The following TDRD5 variants were observed in gnomAD, a reference collection of about 807,000 sequenced individuals.
TDRD5 encodes tudor domain containing 5.
In TDRD5, 41 loss-of-function variants were observed where a neutral mutation model predicts 120.6. The observed-to-expected ratio is 0.34, with a 90% CI of 0.26 to 0.44. The LOEUF is 0.44. Ranked by LOEUF, TDRD5 falls within the 20% of genes least tolerant of loss-of-function variation. TDRD5 has a pLI of 1.00. For synonymous variants in TDRD5, 430 were observed against 433.7 expected (o/e 0.99, Z 0.11); for missense variants, 1,006 against 1,221.2 (o/e 0.82, Z 2.63).
chr1:179,599,648 T>G (rs1237627533), intron 4 of TDRD5, among the ~76,000 whole-genome samples: 2 of 152,118 alleles, frequency 1.3e-5, no homozygotes, highest in African/African-American at 4.8e-5. Context: ...CCCAGTAACA[T>G]TTTAAGGTCT....
chr1:179,659,831 G>T (rs1374386682), intron 14 of TDRD5, among the ~76,000 whole-genome samples: 1 of 151,866 alleles, frequency 6.6e-6, no homozygotes, highest in East Asian at 1.9e-4. Flanking sequence ...CTGAGTAGCT[G>T]GGATTACAGG....
intron 17 of TDRD5, among the ~76,000 whole-genome samples, chr1:179,684,715 T>C (rs1322324191): frequency 6.6e-6 from 1 of 152,128 alleles, no homozygotes; most frequent in Non-Finnish European, 1.5e-5. Context: ...AGCTGCTGTT[T>C]CCTGACTTTT....
chr1:179,658,927 A>G (rs58593782), intron 14 of TDRD5, among the ~76,000 whole-genome samples: 51,272 of 152,040 alleles, frequency 0.34, 8,886 homozygotes, highest in Admixed American at 0.42. Context: ...CTTTAGCTGC[A>G]TTTCACAAAT....
intron 4 of TDRD5, among the ~76,000 whole-genome samples, chr1:179,598,762 C>A (rs892732426): frequency 6.6e-6 from 1 of 151,142 alleles, no homozygotes; most frequent in Admixed American, 6.6e-5. Flanking sequence ...TCAAATCATT[C>A]TAGCAGCTAT....
intron 14 of TDRD5, among the ~76,000 whole-genome samples, chr1:179,658,616 T>C (rs1679126986): frequency 6.6e-6 from 1 of 152,174 alleles, no homozygotes; most frequent in South Asian, 2.1e-4. Flanking sequence ...ATCTGCAGGG[T>C]CTGCAATGAT....
chr1:179,608,189 C>T (rs2101937180), intron 4 of TDRD5, among the ~76,000 whole-genome samples: 1 of 151,896 alleles, frequency 6.6e-6, no homozygotes, highest in African/African-American at 2.4e-5. Flanking sequence ...TGTGTTTTTT[C>T]CCTCTGATGC....
chr1:179,625,290 G>T (rs1345164947), intron 6 of TDRD5, among the ~76,000 whole-genome samples: 1 of 152,090 alleles, frequency 6.6e-6, no homozygotes, highest in Non-Finnish European at 1.5e-5. Context: ...TTAGGACACA[G>T]AAGCAGTAAT....
At position 179,618,606 on chromosome 1, in the gene TDRD5, A is replaced by G. The variant is rs1676683164; in HGVS notation, c.839A>G (p.Asn280Ser). The G allele has an allele frequency of 1.9e-6, 3 of 1,588,014 alleles. No individual in the cohort carries two copies. Among genetic ancestry groups the G allele is most frequent in the Non-Finnish European group, 2.6e-6 (3 of 1,169,906 alleles). ...NHTEKLNQLE[N>S]TFKSVIAQIG... Reference sequence around the variant, plus strand: ...TTTTTTCTTTTTTCATAGCTGGAGAACACATTCAAATCAGTTATTGCACAG... The same window carrying G: ...TTTTTTCTTTTTTCATAGCTGGAGAGCACATTCAAATCAGTTATTGCACAG... Residue 280 changes from asparagine to serine, a missense_variant, in exon 5 of 18, where the codon AAC becomes AGC. Around this residue, in one of 3 missense-constraint regions of TDRD5, gnomAD observed 445 missense variants for 515.5 expected, o/e 0.86. Transcript: ENST00000444136.
chr1:179,660,720 A>G (rs1679267712), intron 14 of TDRD5, among the ~76,000 whole-genome samples: 1 of 152,138 alleles, frequency 6.6e-6, no homozygotes, highest in Non-Finnish European at 1.5e-5. Context: ...TCCATCTTCA[A>G]GAATATTCTT....
At chr1:179,630,625 T>C (rs892513675) in intron 6 of TDRD5, 142 bp from the exon 7 acceptor site, 14 of 739,398 alleles carry the variant, frequency 1.9e-5, no homozygotes, top group African/African-American at 1.6e-4. Flanking sequence ...TGTTTTATGC[T>C]GGTATGGAAG....
At chr1:179,592,985 C>T (rs561103387) in intron 2 of TDRD5, 138 bp downstream of exon 2, 2 of 912,136 alleles carry the variant, frequency 2.2e-6, no homozygotes, top group Admixed American at 2.8e-5. Flanking sequence ...CTCATAGGTG[C>T]TTTTGAGGTT....
intron 4 of TDRD5, among the ~76,000 whole-genome samples, chr1:179,609,185 T>C (rs904543482): frequency 9.9e-5 from 15 of 152,160 alleles, no homozygotes; most frequent in Non-Finnish European, 1.9e-4. Flanking sequence ...AATTGGGTAG[T>C]ACAGGTCAAA....
chr1:179,675,440 C>T (rs895004998), intron 17 of TDRD5, among the ~76,000 whole-genome samples: 26 of 149,748 alleles, frequency 1.7e-4, no homozygotes, highest in African/African-American at 3.9e-4. Context: ...CCACCACGCC[C>T]GGCTAATTTT....
At chr1:179,616,789 A>G (rs774731638) in intron 4 of TDRD5, among the ~76,000 whole-genome samples, 4 of 152,170 alleles carry the variant, frequency 2.6e-5, no homozygotes, top group Non-Finnish European at 4.4e-5. Flanking sequence ...TATAAAAGGA[A>G]GCCTTCTGGC....
intron 6 of TDRD5, among the ~76,000 whole-genome samples, chr1:179,622,530 T>C (rs1046427072): frequency 3.3e-5 from 5 of 152,094 alleles, no homozygotes; most frequent in Admixed American, 3.3e-4. Context: ...TTAAAGGATA[T>C]AAAGGAATAA....
intron 17 of TDRD5, among the ~76,000 whole-genome samples, chr1:179,670,472 T>C (rs570418647): frequency 6.6e-6 from 1 of 152,264 alleles, no homozygotes; most frequent in East Asian, 1.9e-4. Context: ...TGTTTAACTT[T>C]TTAGAAACTG....
chr1:179,629,439 C>A (rs1249625199), intron 6 of TDRD5, among the ~76,000 whole-genome samples: 1 of 143,698 alleles, frequency 7.0e-6, no homozygotes, highest in Non-Finnish European at 1.5e-5. Context: ...GGGAAAAATA[C>A]ACTAATTGAG....
rs148788829 is a variant in TDRD5 at position 179,643,704 on chromosome 1, A to G, written c.1800+3259A>G. On this transcript the variant is annotated intron_variant, in intron 11 of 17. Transcript: ENST00000444136. ...AATGGACAGAGACTTAAGGAAGTCT[A>G]TGGCTCAATATCGGGTACCCCAACA... is the stretch of plus-strand genomic sequence containing the variant. Among the ~76,000 whole-genome samples, 225 of 152,304 alleles carry G rather than the reference A, an allele frequency of 1.5e-3. 1 individual carries two copies. The highest frequency in any genetic ancestry group is 1.3e-3 in the Non-Finnish European group (86 of 68,022).
At chr1:179,661,399 C>T (rs534478419) in intron 14 of TDRD5, among the ~76,000 whole-genome samples, 1 of 151,650 alleles carries the variant, frequency 6.6e-6, no homozygotes, top group African/African-American at 2.4e-5. Context: ...TTTTTTTCCC[C>T]CCAATCTTTT....
Sources: allele counts gnomAD v4.1 joint callset (sites outside exome capture counted in the v4.1 genomes callset), GRCh38; gene constraint gnomAD v4.1.1; regional missense constraint gnomAD v4.1.1; transcripts MANE v1.5; gene names NCBI Gene and HGNC (gene_info 2026-07-23, HGNC 2026-07-21).